The following ZRANB3 variants were observed in gnomAD, a reference collection of about 807,000 sequenced individuals.
ZRANB3 encodes the protein zinc finger RANBP2-type containing 3.
ZRANB3 carries 125 observed loss-of-function variants against 133.8 expected under a neutral mutation model. The ratio of observed to expected loss-of-function variants is 0.93; its 90% CI spans 0.81 to 1.08. The LOEUF is 1.08. Among genes scored for constraint, ZRANB3 ranks in the 50% least tolerant of loss-of-function variants. ZRANB3 has a pLI of 0.00. For missense variants in ZRANB3, 1,229 were observed against 1,275.5 expected (o/e 0.96, Z 0.56); for synonymous variants, 387 against 432.7 (o/e 0.89, Z 1.31).
chr2:135,297,771 G>A (rs992425014), intron 8 of ZRANB3, among the ~76,000 whole-genome samples: 1 of 152,128 alleles, frequency 6.6e-6, no homozygotes, highest in African/African-American at 2.4e-5. Flanking sequence ...CCTTGTCTTC[G>A]ATCTCTGAAG....
intron 12 of ZRANB3, among the ~76,000 whole-genome samples, chr2:135,236,745 G>T (rs1362751911): frequency 6.6e-6 from 1 of 152,146 alleles, no homozygotes; most frequent in Non-Finnish European, 1.5e-5. Flanking sequence ...TATGTAGAAA[G>T]CTGGAAGTGG....
intron 12 of ZRANB3, among the ~76,000 whole-genome samples, chr2:135,234,090 TG>T (rs1435938103): frequency 6.6e-6 from 1 of 152,032 alleles, no homozygotes; most frequent in African/African-American, 2.4e-5. Context: ...AATAAAGGGA[TG>T]GAGGAAGATC....
chr2:135,519,985 G>C (rs1232706512), intron 1 of ZRANB3, among the ~76,000 whole-genome samples: 3 of 152,132 alleles, frequency 2.0e-5, no homozygotes. Flanking sequence ...GGAGGTAAAA[G>C]GAAGGAAGCA....
At chr2:135,267,527 G>A (rs141363781) in intron 11 of ZRANB3, among the ~76,000 whole-genome samples, 2 of 152,098 alleles carry the variant, frequency 1.3e-5, no homozygotes, top group Admixed American at 6.5e-5. Flanking sequence ...TACTGCCACA[G>A]TGGGGATTAA....
At chr2:135,364,638 A>C (rs1685841419) in intron 3 of ZRANB3, among the ~76,000 whole-genome samples, 1 of 151,774 alleles carries the variant, frequency 6.6e-6, no homozygotes, top group African/African-American at 2.4e-5. Context: ...AATCCTAGCT[A>C]CTCAGGGGGG....
At chr2:135,448,083 A>G (rs1003552054) in intron 2 of ZRANB3, among the ~76,000 whole-genome samples, 1 of 152,200 alleles carries the variant, frequency 6.6e-6, no homozygotes, top group African/African-American at 2.4e-5. Flanking sequence ...AGGAAAAGGA[A>G]ATACTTGAGC....
chr2:135,304,006 A>G (rs1682565749), intron 8 of ZRANB3, among the ~76,000 whole-genome samples: 1 of 152,132 alleles, frequency 6.6e-6, no homozygotes. Flanking sequence ...TGATAAAATC[A>G]CTCTTCGATT....
chr2:135,504,745 T>C (rs1396108311), intron 1 of ZRANB3, among the ~76,000 whole-genome samples: 1 of 152,126 alleles, frequency 6.6e-6, no homozygotes, highest in Admixed American at 6.6e-5. Flanking sequence ...TAATACCATA[T>C]ACTATACACC....
At chr2:135,489,391 T>C (rs1250890758) in intron 2 of ZRANB3, among the ~76,000 whole-genome samples, 2 of 151,168 alleles carry the variant, frequency 1.3e-5, no homozygotes, top group Non-Finnish European at 2.9e-5. Flanking sequence ...CACACCAGCA[T>C]GGCACATGTA....
intron 8 of ZRANB3, among the ~76,000 whole-genome samples, chr2:135,289,612 GA>G: frequency 6.6e-6 from 1 of 152,252 alleles, no homozygotes; most frequent in Non-Finnish European, 1.5e-5. Context: ...GATACAATGT[GA>G]TTTTTTTGGC....
intron 2 of ZRANB3, among the ~76,000 whole-genome samples, chr2:135,486,105 G>A (rs1057117768): frequency 2.0e-5 from 3 of 152,104 alleles, no homozygotes; most frequent in African/African-American, 4.8e-5. Flanking sequence ...AGGGTGTGAC[G>A]GCTGTGGCAA....
At chr2:135,251,170 T>C (rs1387967806) in intron 12 of ZRANB3, among the ~76,000 whole-genome samples, 1 of 152,214 alleles carries the variant, frequency 6.6e-6, no homozygotes, top group Non-Finnish European at 1.5e-5. Context: ...CTCACTCGAT[T>C]TCAGACTTGC....
chr2:135,328,866 G>C (rs961652593), intron 6 of ZRANB3, among the ~76,000 whole-genome samples: 1 of 152,128 alleles, frequency 6.6e-6, no homozygotes, highest in Non-Finnish European at 1.5e-5. Flanking sequence ...GTCTTCTTTT[G>C]AGAAGTGTCT....
intron 2 of ZRANB3, among the ~76,000 whole-genome samples, chr2:135,429,467 T>A (rs1318120957): frequency 6.6e-6 from 1 of 152,102 alleles, no homozygotes; most frequent in Admixed American, 6.5e-5. Flanking sequence ...CATACCCCCA[T>A]GGCACACAAT....
chr2:135,417,619 C>T (rs1330761411), intron 2 of ZRANB3, among the ~76,000 whole-genome samples: 2 of 152,116 alleles, frequency 1.3e-5, no homozygotes, highest in Non-Finnish European at 2.9e-5. Flanking sequence ...GGGCATATAC[C>T]CAAAGGACTA....
intron 6 of ZRANB3, among the ~76,000 whole-genome samples, chr2:135,324,638 A>T (rs1361534933): frequency 6.6e-6 from 1 of 152,174 alleles, no homozygotes; most frequent in Non-Finnish European, 1.5e-5. Context: ...CTAGTTCTAG[A>T]TCCTTGAGGA....
rs1157809554 is a variant in ZRANB3, at chr2:135,341,275, C to T, written c.677+4275G>A. Among the ~76,000 whole-genome samples, 4 of 149,720 alleles carry T rather than the reference C, an allele frequency of 2.7e-5. 1 individual carries two copies. The highest frequency in any genetic ancestry group is 5.1e-5 in the African/African-American group (2 of 39,102). The stretch of plus-strand genomic sequence containing the variant: ...GATCTCTGGATCTCGTGATCTGTTG[C>T]GGGAAGTCAGGGACCCCAAACAGAG... On this transcript the variant is annotated intron_variant, in intron 6 of 20. Coordinates refer to ENST00000264159, the MANE Select transcript of ZRANB3 (RefSeq NM_032143.4).
rs932614695 is a variant in ZRANB3 at position 135,367,520 on chromosome 2, G to A, written c.181-13892C>T. On this transcript the variant is annotated intron_variant, in intron 3 of 20. Transcript: ENST00000264159. Reference sequence around the variant, plus strand: ...TGTGTGTGTTTGTGTTTGAGAGTGCGTACATGAACAAGAGAGAGAAAACCA... The same window carrying A: ...TGTGTGTGTTTGTGTTTGAGAGTGCATACATGAACAAGAGAGAGAAAACCA... Among the ~76,000 whole-genome samples, 14 of 152,090 alleles carry A rather than the reference G, an allele frequency of 9.2e-5. No homozygotes were observed. In the East Asian group the frequency reaches 2.5e-3, roughly 27 times the overall value.
At chr2:135,480,451 G>A (rs559147785) in intron 2 of ZRANB3, among the ~76,000 whole-genome samples, 11 of 152,114 alleles carry the variant, frequency 7.2e-5, no homozygotes, top group South Asian at 2.1e-4. Context: ...ACCTAAATGG[G>A]TAATGTAACA....
Sources: allele counts gnomAD v4.1 joint callset (sites outside exome capture counted in the v4.1 genomes callset), GRCh38; gene constraint gnomAD v4.1.1; transcripts MANE v1.5; gene names NCBI Gene and HGNC (gene_info 2026-07-23, HGNC 2026-07-21).